Variants in EXOC4 observed in about 807,000 individuals in gnomAD.
The protein encoded by EXOC4 is SEC8-like 1.
Under a neutral mutation model 107.2 loss-of-function variants are expected in EXOC4, and 71 were observed. That is an observed-to-expected ratio of 0.66 (90% confidence interval 0.55 to 0.81). The LOEUF is 0.81. EXOC4 is among the 30% of genes least tolerant of loss of function. EXOC4 has a pLI of 0.00. For missense variants in EXOC4, 1,108 were observed against 1,189.6 expected (o/e 0.93, Z 1.01); for synonymous variants, 456 against 441.2 (o/e 1.03, Z -0.42).
chr7:133,761,789 C>T lies in EXOC4; in HGVS notation c.1515-55536C>T, dbSNP rs550008865. ...TCTAACCATGTCCCTGTGCAGTTTA[C>T]GAACAATACTAATCATAAGCAAATA... On this transcript the variant is annotated intron_variant, in intron 10 of 17. Transcript: ENST00000253861. 1.7e-4 allele frequency among the ~76,000 whole-genome samples: 26 copies of T among 152,258 alleles called. 1 individual carries two copies. The highest frequency in any genetic ancestry group is 6.0e-4 in the African/African-American group (25 of 41,556).
chr7:134,051,446 G>A (rs1322866883), intron 17 of EXOC4, among the ~76,000 whole-genome samples: 1 of 152,188 alleles, frequency 6.6e-6, no homozygotes, highest in African/African-American at 2.4e-5. Context: ...GCCGAGGCAG[G>A]TGGATCATGA....
At chr7:134,062,354 G>C (rs573924855) in intron 17 of EXOC4, among the ~76,000 whole-genome samples, 41 of 152,262 alleles carry the variant, frequency 2.7e-4, no homozygotes, top group Non-Finnish European at 5.6e-4. Flanking sequence ...CATTCCCCTT[G>C]TACCAGCAAT....
chr7:133,493,211 G>C (rs1228573972), intron 9 of EXOC4, among the ~76,000 whole-genome samples: 5 of 152,152 alleles, frequency 3.3e-5, no homozygotes, highest in Admixed American at 6.5e-5. Context: ...GATCACCTGA[G>C]GTCAGCAGTT....
At chr7:133,260,679 GC>G (rs1795128644) in intron 1 of EXOC4, among the ~76,000 whole-genome samples, 1 of 152,290 alleles carries the variant, frequency 6.6e-6, no homozygotes, top group East Asian at 1.9e-4. Context: ...AATAAAACCT[GC>G]TGGGATTTTG....
At chr7:134,016,239 G>A (rs1416944955) in intron 17 of EXOC4, among the ~76,000 whole-genome samples, 1 of 152,146 alleles carries the variant, frequency 6.6e-6, no homozygotes, top group Non-Finnish European at 1.5e-5. Context: ...TGAGGGAAAG[G>A]CCGGGAGTGA....
intron 7 of EXOC4, among the ~76,000 whole-genome samples, chr7:133,416,189 T>A (rs570706040): frequency 1.3e-5 from 2 of 152,246 alleles, no homozygotes; most frequent in African/African-American, 4.8e-5. Context: ...GTAAAACACA[T>A]TAAAAAGGTT....
chr7:134,043,451 G>T (rs931132646), intron 17 of EXOC4, among the ~76,000 whole-genome samples: 3 of 152,116 alleles, frequency 2.0e-5, no homozygotes, highest in African/African-American at 7.2e-5. Context: ...GAAACATTTG[G>T]GTCACAAACC....
intron 2 of EXOC4, among the ~76,000 whole-genome samples, chr7:133,275,954 A>T (rs1453545952): frequency 1.3e-5 from 2 of 152,034 alleles, no homozygotes; most frequent in African/African-American, 2.4e-5. Flanking sequence ...TATAGGTGTG[A>T]CCCACCATGC....
intron 10 of EXOC4, among the ~76,000 whole-genome samples, chr7:133,704,268 G>C (rs555742296): frequency 6.6e-6 from 1 of 152,060 alleles, no homozygotes; most frequent in East Asian, 1.9e-4. Context: ...TTTATTTTTA[G>C]CTTTATGCAG....
intron 9 of EXOC4, chr7:133,576,745 A>G: frequency 1.6e-6 from 2 of 1,289,788 alleles, no homozygotes; most frequent in Non-Finnish European, 2.0e-6. Context: ...ATTGGTCTAC[A>G]GGGTACTATT....
At chr7:133,283,744 T>G (rs1042969468) in intron 2 of EXOC4, among the ~76,000 whole-genome samples, 1 of 152,224 alleles carries the variant, frequency 6.6e-6, no homozygotes, top group Non-Finnish European at 1.5e-5. Flanking sequence ...CTCTCCTGCC[T>G]TTTTGCGGTC....
chr7:134,099,024 T>C, the EXOC4 span, among the ~76,000 whole-genome samples: 1 of 152,144 alleles, frequency 6.6e-6, no homozygotes, highest in South Asian at 2.1e-4. Flanking sequence ...GGGCTTGGCC[T>C]AAAGGATGGT....
intron 11 of EXOC4, among the ~76,000 whole-genome samples, chr7:133,869,025 C>A (rs1798699063): frequency 6.7e-6 from 1 of 149,952 alleles, no homozygotes; most frequent in Non-Finnish European, 1.5e-5. Context: ...CCCCGCCCTT[C>A]TTTTCTTCAT....
intron 5 of EXOC4, among the ~76,000 whole-genome samples, chr7:133,353,116 TA>T (rs1795947840): frequency 6.6e-6 from 1 of 152,152 alleles, no homozygotes; most frequent in Non-Finnish European, 1.5e-5. Context: ...AATTGTGTTT[TA>T]AAAATCTTTT....
At chr7:133,754,359 G>A (rs938879499) in intron 10 of EXOC4, among the ~76,000 whole-genome samples, 1 of 152,156 alleles carries the variant, frequency 6.6e-6, no homozygotes, top group Non-Finnish European at 1.5e-5. Context: ...AAACTGAGAA[G>A]GAATACGCTT....
intron 5 of EXOC4, among the ~76,000 whole-genome samples, chr7:133,326,985 A>G (rs962667762): frequency 2.0e-5 from 3 of 152,194 alleles, no homozygotes; most frequent in Non-Finnish European, 4.4e-5. Flanking sequence ...GTGAGGCTCC[A>G]TGGGCGTGGG....
chr7:133,330,939 GTT>G (rs1173485312), intron 5 of EXOC4, among the ~76,000 whole-genome samples: 2 of 144,032 alleles, frequency 1.4e-5, no homozygotes, highest in Admixed American at 1.4e-4. Flanking sequence ...TCTGTGAGAG[GTT>G]TTTTTTTTTT....
chr7:133,550,376 C>A (rs924001281), intron 9 of EXOC4, among the ~76,000 whole-genome samples: 2 of 152,054 alleles, frequency 1.3e-5, no homozygotes, highest in Admixed American at 1.3e-4. Context: ...CCTGTTTAGA[C>A]TTGTTTTATT....
At chr7:133,413,451 G>A (rs1178240467) in intron 7 of EXOC4, among the ~76,000 whole-genome samples, 2 of 152,058 alleles carry the variant, frequency 1.3e-5, no homozygotes, top group Non-Finnish European at 2.9e-5. Flanking sequence ...TTAGTCTTCC[G>A]TAGCTGAATC....
Sources: allele counts gnomAD v4.1 joint callset (sites outside exome capture counted in the v4.1 genomes callset), GRCh38; gene constraint gnomAD v4.1.1; transcripts MANE v1.5; gene names NCBI Gene and HGNC (gene_info 2026-07-23, HGNC 2026-07-21).